RAPH1: variants seen among roughly 807,000 people sequenced by gnomAD.
RAPH1 encodes the protein ras-associated and pleckstrin homology domains-containing protein 1.
A neutral mutation model predicts 88.1 loss-of-function variants in RAPH1; 18 were observed. The observed-to-expected ratio is 0.20, with a 90% CI of 0.14 to 0.30. RAPH1 has a LOEUF of 0.30. Ranked by LOEUF, RAPH1 falls within the 10% of genes least tolerant of loss-of-function variation. The pLI is 1.00. For missense variants in RAPH1, 1,448 were observed against 1,543.2 expected (o/e 0.94, Z 1.03); for synonymous variants, 587 against 559.0 (o/e 1.05, Z -0.71).
rs1383382227 is a variant in RAPH1, at chr2:203,506,739, T to TATAG, written c.1-11387_1-11386insCTAT. On this transcript the variant is annotated intron_variant, in intron 1 of 13. Coordinates refer to ENST00000319170, the MANE Select transcript of RAPH1 (RefSeq NM_213589.3). ...TGACTAAAATCCATATATAGATATA[T>TATAG]ATCTATATATATATATATCTATATA... 4.8e-5 allele frequency among the ~76,000 whole-genome samples: 6 copies of TATAG among 124,964 alleles called. 1 individual carries two copies. Among genetic ancestry groups the TATAG allele is most frequent in the African/African-American group, 2.4e-4 (6 of 25,224 alleles). 82.0% of individuals were successfully genotyped at this position (124,964 alleles called of 152,430 possible).
At chr2:203,502,978 A>G (rs1382563591) in intron 1 of RAPH1, among the ~76,000 whole-genome samples, 2 of 151,618 alleles carry the variant, frequency 1.3e-5, no homozygotes, top group African/African-American at 4.8e-5. Context: ...TATCTCTACT[A>G]AAAATACAAA....
Position 203,519,410 on chromosome 2 carries a change from T to C in RAPH1, c.-1+15701A>G, listed in dbSNP as rs577636194. ...AAAATTTTTTTTAATCACATGATCA[T>C]ATCAATAGATGTAGAAAAAGCATTT... On this transcript the variant is annotated intron_variant, in intron 1 of 13. Coordinates refer to ENST00000319170, the MANE Select transcript of RAPH1 (RefSeq NM_213589.3). Among the ~76,000 whole-genome samples, 3 of 152,292 alleles carry C rather than the reference T, an allele frequency of 2.0e-5. No homozygotes were observed. In the South Asian group the frequency reaches 6.2e-4, roughly 32 times the overall value.
At chr2:203,506,898 ATTTT>A (rs1243668890) in intron 1 of RAPH1, among the ~76,000 whole-genome samples, 1 of 87,872 alleles carries the variant, frequency 1.1e-5, no homozygotes, top group African/African-American at 6.4e-5. Context: ...ATATATATAT[ATTTT>A]TTTTTTTTTT....
At chr2:203,488,609 A>AC (rs1553626754) in intron 4 of RAPH1, among the ~76,000 whole-genome samples, 5 of 147,490 alleles carry the variant, frequency 3.4e-5, no homozygotes, top group African/African-American at 5.0e-5. Flanking sequence ...AAAAAAAAAA[A>AC]AAAAAAAAAC....
intron 4 of RAPH1, among the ~76,000 whole-genome samples, chr2:203,483,628 C>A (rs1687826863): frequency 6.6e-6 from 1 of 152,178 alleles, no homozygotes; most frequent in Non-Finnish European, 1.5e-5. Flanking sequence ...ACTGGTAAAG[C>A]ATCTGGGTAT....
chr2:203,455,953 G>A (rs1241826422), intron 8 of RAPH1, among the ~76,000 whole-genome samples: 2 of 152,032 alleles, frequency 1.3e-5, no homozygotes, highest in Non-Finnish European at 2.9e-5. Flanking sequence ...AGATTGCAGT[G>A]AGCTGAGATC....
At chr2:203,525,770 C>T (rs1690089000) in intron 1 of RAPH1, among the ~76,000 whole-genome samples, 1 of 152,230 alleles carries the variant, frequency 6.6e-6, no homozygotes, top group African/African-American at 2.4e-5. Context: ...GAGTGAGACT[C>T]TGTCTCAGAA....
In RAPH1 at chr2:203,448,185, A is replaced by G; in HGVS notation, c.1513-106T>C. Reference sequence around the variant, plus strand: ...TTCTGTTTACTGATTGATGGTCTGTATTAAAATTAATACCTATGATAGTTC... The same window carrying G: ...TTCTGTTTACTGATTGATGGTCTGTGTTAAAATTAATACCTATGATAGTTC... On this transcript the variant is annotated intron_variant, in intron 11 of 13. Coordinates refer to ENST00000319170, the MANE Select transcript of RAPH1 (RefSeq NM_213589.3). The surrounding 1 kb of genome is among the most constrained non-coding windows in gnomAD (Gnocchi z 4.1). 1 of 1,020,852 alleles carries G rather than the reference A, an allele frequency of 9.8e-7. No individual in the cohort carries two copies. 63.2% of individuals were successfully genotyped at this position (1,020,852 alleles called of 1,614,324 possible). A position where few individuals can be genotyped will look rare whatever the true frequency, so the allele number is the denominator to read the frequency against.
chr2:203,462,549 AAT>A (rs2098524983), intron 4 of RAPH1, among the ~76,000 whole-genome samples: 1 of 152,182 alleles, frequency 6.6e-6, no homozygotes, highest in South Asian at 2.1e-4. Context: ...CAATGTAATC[AAT>A]GTCTTATGTC....
intron 1 of RAPH1, among the ~76,000 whole-genome samples, chr2:203,530,998 C>G (rs1033291351): frequency 6.6e-6 from 1 of 151,974 alleles, no homozygotes; most frequent in Admixed American, 6.6e-5. Flanking sequence ...AAGGACAGTC[C>G]TTTCAACAAA....
chr2:203,507,089 G>A (rs554820652), intron 1 of RAPH1, among the ~76,000 whole-genome samples: 1 of 150,184 alleles, frequency 6.7e-6, no homozygotes, highest in East Asian at 2.0e-4. Flanking sequence ...TAGAGACAGG[G>A]TTTCACCATG....
chr2:203,464,513 TACCTGCCTAG>T (rs1173262801), intron 4 of RAPH1, among the ~76,000 whole-genome samples: 3 of 152,178 alleles, frequency 2.0e-5, no homozygotes, highest in African/African-American at 4.8e-5. Flanking sequence ...TCAGGTGATC[TACCTGCCTAG>T]ACCTCCCAAA....
In RAPH1 at chr2:203,439,260, T is replaced by C. The variant is rs1321224870; in HGVS notation, c.*177A>G. On this transcript the variant is annotated 3_prime_UTR_variant, in exon 14 of 14. Transcript: ENST00000319170. The stretch of plus-strand genomic sequence containing the variant: ...ACACATACATATATGTATACATATA[T>C]ACACACACTGTACAGCTGTGTGTAC... 3.3e-6 allele frequency: 2 copies of C among 600,868 alleles called. No homozygotes were observed. Among genetic ancestry groups the C allele is most frequent in the Non-Finnish European group, 3.0e-6 (1 of 337,974 alleles). The allele number at this position is 600,868 out of a possible 1,614,324, so 37.2% of individuals were successfully genotyped here. A position where few individuals can be genotyped will look rare whatever the true frequency, so the allele number is the denominator to read the frequency against.
chr2:203,477,626 G>A (rs1420638997), intron 4 of RAPH1, among the ~76,000 whole-genome samples: 1 of 152,010 alleles, frequency 6.6e-6, no homozygotes, highest in Non-Finnish European at 1.5e-5. Flanking sequence ...TTTATCATGA[G>A]GATCTTCATC....
chr2:203,474,020 C>A (rs2098535316), intron 4 of RAPH1, among the ~76,000 whole-genome samples: 1 of 152,128 alleles, frequency 6.6e-6, no homozygotes, highest in South Asian at 2.1e-4. Flanking sequence ...AACTACAAAA[C>A]AGTGTGTTAA....
At position 203,436,201 on chromosome 2, in the gene RAPH1, C is replaced by CA. The variant is rs1191484145; in HGVS notation, c.*3235dup. The CA allele has an allele frequency of 1.3e-5, 2 of 152,110 alleles. No individual in the cohort carries two copies. The highest frequency in any genetic ancestry group is 3.2e-3 in the Middle Eastern group (1 of 316). The allele number at this position is 152,110 out of a possible 1,614,324, so 9.4% of individuals were successfully genotyped here. A position where few individuals can be genotyped will look rare whatever the true frequency, so the allele number is the denominator to read the frequency against. ...AGGATATGCCTTTGGTGGGTGGGAGCACCTAGATTTTAGAGGACTATAAAA... is the reference window on the plus strand; with the variant it reads ...AGGATATGCCTTTGGTGGGTGGGAGCAACCTAGATTTTAGAGGACTATAAAA... On this transcript the variant is annotated 3_prime_UTR_variant, in exon 14 of 14. Transcript: ENST00000319170.
At chr2:203,457,032 G>T (rs1404247006) in intron 8 of RAPH1, among the ~76,000 whole-genome samples, 2 of 151,846 alleles carry the variant, frequency 1.3e-5, no homozygotes, top group Non-Finnish European at 1.5e-5. Context: ...AATAATAAAG[G>T]GTCTTCAGTG....
At chr2:203,442,027 G>A in intron 13 of RAPH1, 2 of 1,569,840 alleles carry the variant, frequency 1.3e-6, no homozygotes, top group Non-Finnish European at 1.7e-6. Flanking sequence ...CATCCAACAT[G>A]CACAGAAGTC....
Position 203,442,268 on chromosome 2 carries a change from G to A in RAPH1, c.1777-855C>T, listed in dbSNP as rs1218362310. ...TGGGTAGCTGAAATGATCACATCTG[G>A]TAGTTTATTTCGTGGAGCTAATCAT... is the stretch of plus-strand genomic sequence containing the variant. On this transcript the variant is annotated intron_variant, in intron 13 of 13. Transcript: ENST00000319170. The A allele has an allele frequency of 1.0e-5, 5 of 492,382 alleles. No homozygotes were observed. In the South Asian group the frequency reaches 1.2e-4, roughly 12 times the overall value. The allele number at this position is 492,382 out of a possible 1,614,324, so 30.5% of individuals were successfully genotyped here. A position where few individuals can be genotyped will look rare whatever the true frequency, so the allele number is the denominator to read the frequency against.
Sources: gnomAD v4.1 joint callset for allele counts (sites outside exome capture counted in the v4.1 genomes callset) on GRCh38, gnomAD v4.1.1 for gene constraint, Gnocchi (gnomAD v3.1) non-coding constraint, MANE v1.5 for transcripts, NCBI Gene and HGNC (gene_info 2026-07-23, HGNC 2026-07-21) for gene names.